Variants in LRRK2 observed in about 807,000 individuals in gnomAD.
LRRK2 encodes leucine rich repeat kinase 2.
In LRRK2, 203 loss-of-function variants were observed where a neutral mutation model predicts 302.6. The ratio of observed to expected loss-of-function variants is 0.67; its 90% CI spans 0.60 to 0.75. The LOEUF (loss-of-function observed/expected upper bound fraction) is 0.75. Among genes scored for constraint, LRRK2 ranks in the 30% least tolerant of loss-of-function variants. The pLI, the probability that LRRK2 is intolerant of heterozygous loss-of-function variation, is 0.00. For synonymous variants in LRRK2, 1,066 were observed against 1,031.9 expected (o/e 1.03, Z -0.63); for missense variants, 2,830 against 2,951.0 (o/e 0.96, Z 0.95).
At position 40,275,007 on chromosome 12, in the gene LRRK2, C is replaced by T. The variant is rs766165801; in HGVS notation, c.1941+14C>T. 2 of 1,613,638 alleles carry T rather than the reference C, an allele frequency of 1.2e-6. No homozygotes were observed. The highest frequency in any genetic ancestry group is 1.3e-5 in the African/African-American group (1 of 74,990). The stretch of plus-strand genomic sequence containing the variant: ...ATACAGACTAAAGTATGTGCATTAT[C>T]TTGGAAAGAATTTGGGAACTTGTGC... On this transcript the variant is annotated intron_variant, in intron 16 of 50. Transcript: ENST00000298910.
intron 8 of LRRK2, among the ~76,000 whole-genome samples, chr12:40,250,885 C>A (rs897015802): frequency 3.3e-5 from 5 of 152,126 alleles, no homozygotes; most frequent in African/African-American, 1.2e-4. Flanking sequence ...ATATGTACCA[C>A]ATTTTCTTTA....
At chr12:40,267,090 A>G (rs1259214600) in intron 14 of LRRK2, among the ~76,000 whole-genome samples, 2 of 152,172 alleles carry the variant, frequency 1.3e-5, no homozygotes, top group Non-Finnish European at 2.9e-5. Context: ...ATATGTAACT[A>G]ACCTGCACGT....
Position 40,323,141 on chromosome 12 carries a change from A to G in LRRK2, c.5510-19A>G. 4 of 1,607,002 alleles carry G rather than the reference A, an allele frequency of 2.5e-6. No homozygotes were observed. The highest frequency in any genetic ancestry group is 3.4e-6 in the Non-Finnish European group (4 of 1,174,212). ...CTTAAATGTTGTTTTTATTTAAAAA[A>G]TGTTTTATTACTTCTCAGGAGATCT... On this transcript the variant is annotated intron_variant, in intron 37 of 50. Coordinates refer to ENST00000298910, the MANE Select transcript of LRRK2 (RefSeq NM_198578.4).
At chr12:40,282,185 C>T (rs1045632738) in intron 18 of LRRK2, among the ~76,000 whole-genome samples, 1 of 140,764 alleles carries the variant, frequency 7.1e-6, no homozygotes, top group Non-Finnish European at 1.5e-5. Context: ...TTCCCCTTCC[C>T]CTTCTCCTTC....
chr12:40,268,858 A>T (rs1391861937), intron 14 of LRRK2, among the ~76,000 whole-genome samples: 2 of 152,132 alleles, frequency 1.3e-5, no homozygotes, highest in Admixed American at 1.3e-4. Context: ...TAATGTTATG[A>T]TATTCCTCGA....
rs1942914218 is a variant in LRRK2, at chr12:40,264,383, G to A, written c.1656+482G>A. Among the ~76,000 whole-genome samples, 3 of 152,214 alleles carry A rather than the reference G, an allele frequency of 2.0e-5. No homozygotes were observed. The South Asian group carries it at 6.2e-4, about 32-fold the overall frequency. On this transcript the variant is annotated intron_variant, in intron 14 of 50. Coordinates refer to ENST00000298910, the MANE Select transcript of LRRK2 (RefSeq NM_198578.4). Reference sequence around the variant, plus strand: ...CACCTGTAATCCCAGCACTTTGGGAGGCTGAGGTGGGTGGATCACGAGGTC... The same window carrying A: ...CACCTGTAATCCCAGCACTTTGGGAAGCTGAGGTGGGTGGATCACGAGGTC...
intron 11 of LRRK2, among the ~76,000 whole-genome samples, chr12:40,254,014 A>G (rs1942394259): frequency 6.6e-6 from 1 of 152,176 alleles, no homozygotes; most frequent in Non-Finnish European, 1.5e-5. Flanking sequence ...ATAATTATGA[A>G]GAGAAAAATG....
At position 40,293,589 on chromosome 12, in the gene LRRK2, A is replaced by C; in HGVS notation, c.2734A>C (p.Ser912Arg). ...FLVKKKSNSI[S>R]VGEFYRDAVL... Reference sequence around the variant, plus strand: ...TGTGAAAAAGAAATCTAATTCAATTAGTGTAGGAGAATTTTACCGAGATGC... The same window carrying C: ...TGTGAAAAAGAAATCTAATTCAATTCGTGTAGGAGAATTTTACCGAGATGC... The change falls in exon 21 of 51, where the codon AGT becomes CGT. Residue 912 changes from serine (S) to arginine (R), a missense_variant. Ser to Arg is a moderately radical substitution (Grantham distance 110). Coordinates refer to ENST00000298910, the MANE Select transcript of LRRK2 (RefSeq NM_198578.4). 6.2e-7 allele frequency: 1 copy of C among 1,611,434 alleles called. No homozygotes were observed. The highest frequency in any genetic ancestry group is 1.1e-5 in the South Asian group (1 of 90,990).
rs560058349 is a variant in LRRK2 at position 40,236,204 on chromosome 12, C to T, written c.436+490C>T. On this transcript the variant is annotated intron_variant, in intron 4 of 50. Coordinates refer to ENST00000298910, the MANE Select transcript of LRRK2 (RefSeq NM_198578.4). ...TGCCATAATCGTTACATTTTGAAAA[C>T]ACATAGTATTACTTCTTGAGTATTT... 1.4e-3 allele frequency among the ~76,000 whole-genome samples: 218 copies of T among 152,188 alleles called. 1 individual carries two copies. The highest frequency in any genetic ancestry group is 5.0e-3 in the African/African-American group (206 of 41,532).
Position 40,294,872 on chromosome 12 carries a change from C to A in LRRK2, c.2836C>A (p.Leu946Met). The change falls in exon 22 of 51, where the codon CTG becomes ATG. Residue 946 changes from leucine (L) to methionine (M), a missense_variant. Coordinates refer to ENST00000298910, the MANE Select transcript of LRRK2 (RefSeq NM_198578.4). ...LGPIFDHEDLLKRKRKILSSD... is the reference protein window; with the variant it reads ...LGPIFDHEDLMKRKRKILSSD... The stretch of plus-strand genomic sequence containing the variant: ...GCCCATTTTTGATCATGAAGATTTA[C>A]TGAAGCGAAAAAGAAAAATATTATC... 1 of 1,548,024 alleles carries A rather than the reference C, an allele frequency of 6.5e-7. No homozygotes were observed. Among genetic ancestry groups the A allele is most frequent in the Non-Finnish European group, 8.9e-7 (1 of 1,124,654 alleles).
rs1311166560 is a variant in LRRK2 at position 40,369,027 on chromosome 12, T to C, written c.*1262T>C. 6.6e-6 allele frequency: 1 copy of C among 151,836 alleles called. No homozygotes were observed. The allele number at this position is 151,836 out of a possible 1,614,324, so 9.4% of individuals were successfully genotyped here. A position where few individuals can be genotyped will look rare whatever the true frequency, so the allele number is the denominator to read the frequency against. ...TAATATTCTCAGAACTTATGGCATTTTACTATGTGAAAACTTTAAATTTAT... is the reference window on the plus strand; with the variant it reads ...TAATATTCTCAGAACTTATGGCATTCTACTATGTGAAAACTTTAAATTTAT... On this transcript the variant is annotated 3_prime_UTR_variant, in exon 51 of 51. Transcript: ENST00000298910.
At position 40,232,307 on chromosome 12, in the gene LRRK2, G is replaced by T; in HGVS notation, c.271G>T (p.Val91Phe). Residue 91 changes from valine (V) to phenylalanine (F), a missense_variant, in exon 3 of 51, where the codon GTC becomes TTC. Physicochemically the swap from Val to Phe is conservative, Grantham distance 50. Around this residue, in one of 3 missense-constraint regions of LRRK2, gnomAD observed 2,121 missense variants for 2,148.0 expected, o/e 0.99. Coordinates refer to ENST00000298910, the MANE Select transcript of LRRK2 (RefSeq NM_198578.4). ...GTCACTTCTGTGCAAATTAATAGAAGTCTGTCCAGGTACAATGCAAAGCTT... is the reference window on the plus strand; with the variant it reads ...GTCACTTCTGTGCAAATTAATAGAATTCTGTCCAGGTACAATGCAAAGCTT... ...GWSLLCKLIE[V>F]CPGTMQSLMG... 1 of 1,614,074 alleles carries T rather than the reference G, an allele frequency of 6.2e-7. No homozygotes were observed. The highest frequency in any genetic ancestry group is 8.5e-7 in the Non-Finnish European group (1 of 1,179,990).
intron 18 of LRRK2, among the ~76,000 whole-genome samples, chr12:40,281,923 A>C (rs1943712924): frequency 6.6e-6 from 1 of 152,146 alleles, no homozygotes; most frequent in African/African-American, 2.4e-5. Flanking sequence ...CCTTAGTACA[A>C]AGTAAGGAGT....
intron 20 of LRRK2, among the ~76,000 whole-genome samples, chr12:40,291,536 A>G (rs1394080943): frequency 6.6e-6 from 1 of 151,676 alleles, no homozygotes; most frequent in African/African-American, 2.4e-5. Flanking sequence ...GATTTTCTGG[A>G]TAACTTTCTG....
At chr12:40,334,149 C>T (rs530243029) in intron 39 of LRRK2, among the ~76,000 whole-genome samples, 1 of 152,264 alleles carries the variant, frequency 6.6e-6, no homozygotes, top group South Asian at 2.1e-4. Flanking sequence ...ATGCCAGTTG[C>T]AGCTGATTAG....
chr12:40,226,582 G>A (rs770270135), intron 2 of LRRK2, among the ~76,000 whole-genome samples: 1 of 152,040 alleles, frequency 6.6e-6, no homozygotes, highest in African/African-American at 2.4e-5. Flanking sequence ...ATCTAGTCTG[G>A]GTGAACCATC....
intron 27 of LRRK2, chr12:40,304,424 A>T (rs1215436776): frequency 4.3e-5 from 21 of 492,268 alleles, no homozygotes; most frequent in Non-Finnish European, 7.2e-5. Context: ...ACAATAAAAC[A>T]ATATGCTATA....
In LRRK2 at chr12:40,243,584, C is replaced by T. The variant is rs1410694456; in HGVS notation, c.741C>T (p.Val247=). 18 of 1,611,856 alleles carry T rather than the reference C, an allele frequency of 1.1e-5. No homozygotes were observed. The highest frequency in any genetic ancestry group is 1.4e-5 in the Non-Finnish European group (17 of 1,178,618). Residue 247 remains valine (V), a synonymous_variant, in exon 7 of 51, where the codon GTC becomes GTT. Transcript: ENST00000298910. Reference sequence around the variant, plus strand: ...TGGAAGTCCTCATGAGTGGCAATGTCAGGTGTTATAATATTGTGGTGGAAG... The same window carrying T: ...TGGAAGTCCTCATGAGTGGCAATGTTAGGTGTTATAATATTGTGGTGGAAG... ...NNVEVLMSGN[V]RCYNIVVEAM...
chr12:40,346,884 A>G lies in LRRK2; in HGVS notation c.6241A>G (p.Asn2081Asp), dbSNP rs33995883. The change falls in exon 42 of 51, where the codon AAT becomes GAT. Residue 2081 changes from asparagine (N) to aspartate (D), a missense_variant. Physicochemically the swap from Asn to Asp is conservative, Grantham distance 23. Around this residue, in one of 3 missense-constraint regions of LRRK2, gnomAD observed 253 missense variants for 346.7 expected, o/e 0.73. Coordinates refer to ENST00000298910, the MANE Select transcript of LRRK2 (RefSeq NM_198578.4). Reference sequence around the variant, plus strand: ...AATAGTAGAGGGTTTGAAGTTTCCAAATGAGTTTGATGAATTAGAAATACA... The same window carrying G: ...AATAGTAGAGGGTTTGAAGTTTCCAGATGAGTTTGATGAATTAGAAATACA... Reference protein sequence around the residue: ...GRIVEGLKFPNEFDELEIQGK... With the variant: ...GRIVEGLKFPDEFDELEIQGK... 0.017 allele frequency: 27,079 copies of G among 1,612,916 alleles called. 379 individuals are homozygous for G. The highest frequency in any genetic ancestry group is 0.079 in the Middle Eastern group (474 of 6,002).
Sources: gnomAD v4.1 joint callset for allele counts (sites outside exome capture counted in the v4.1 genomes callset) on GRCh38, gnomAD v4.1.1 for gene constraint, gnomAD v4.1.1 regional missense constraint, MANE v1.5 for transcripts, NCBI Gene and HGNC (gene_info 2026-07-23, HGNC 2026-07-21) for gene names.